Variants in EDNRB observed in about 807,000 individuals in gnomAD.
EDNRB encodes endothelin receptor type B.
A neutral mutation model predicts 46.4 loss-of-function variants in EDNRB; 18 were observed. The observed-to-expected ratio is 0.39, with a 90% CI of 0.27 to 0.57. EDNRB has a LOEUF of 0.57. Among genes scored for constraint, EDNRB ranks in the 20% least tolerant of loss-of-function variants. The pLI is 0.61. For missense variants in EDNRB, 434 were observed against 537.5 expected (o/e 0.81, Z 1.90); for synonymous variants, 213 against 204.9 (o/e 1.04, Z -0.34).
intron 1 of EDNRB, among the ~76,000 whole-genome samples, chr13:77,933,153 C>A (rs1880450100): frequency 6.6e-6 from 1 of 152,174 alleles, no homozygotes; most frequent in Admixed American, 6.5e-5. Context: ...TTCAAAACAC[C>A]TGTGAATATC....
chr13:77,900,604 G>T lies in EDNRB; in HGVS notation c.1002C>A (p.Leu334=). Residue 334 remains leucine, a synonymous_variant, in exon 5 of 7, where the codon CTC becomes CTA. Coordinates refer to ENST00000646607, the MANE Select transcript of EDNRB (RefSeq NM_001122659.3). The part of the protein sequence containing the change: ...TVFCLVLVFA[L]CWLPLHLSRI... Reference sequence around the variant, plus strand: ...TGCTGAGGTGAAGGGGAAGCCAGCAGAGGGCAAAGACAAGGACCAGGCAAA... The same window carrying T: ...TGCTGAGGTGAAGGGGAAGCCAGCATAGGGCAAAGACAAGGACCAGGCAAA... 6.2e-7 allele frequency: 1 copy of T among 1,612,644 alleles called. No individual in the cohort carries two copies. Among genetic ancestry groups the T allele is most frequent in the Non-Finnish European group, 8.5e-7 (1 of 1,179,138 alleles).
intron 1 of EDNRB, among the ~76,000 whole-genome samples, chr13:77,942,182 GA>G (rs1052708022): frequency 7.3e-5 from 11 of 151,168 alleles, no homozygotes; most frequent in Non-Finnish European, 1.0e-4. Flanking sequence ...CCTTGTCTGG[GA>G]AAAAAAAATT....
chr13:77,929,912 T>C (rs4884074), intron 1 of EDNRB, among the ~76,000 whole-genome samples: 136,816 of 152,246 alleles, frequency 0.9, 61,554 homozygotes, highest in East Asian at 0.98. Flanking sequence ...AATACAGTGA[T>C]TGTCTAGGAA....
rs562396473 is a variant in EDNRB, at chr13:77,897,945, T to A, written c.*255A>T. Reference sequence around the variant, plus strand: ...ATCCTGGAAGTTGTTAAGAGCTATGTTGAAGTGCTAACTGTAAAAAATTAA... The same window carrying A: ...ATCCTGGAAGTTGTTAAGAGCTATGATGAAGTGCTAACTGTAAAAAATTAA... On this transcript the variant is annotated 3_prime_UTR_variant, in exon 7 of 7. Transcript: ENST00000646607. 1.6e-6 allele frequency: 2 copies of A among 1,251,836 alleles called. No homozygotes were observed. Among genetic ancestry groups the A allele is most frequent in the South Asian group, 3.4e-5 (2 of 58,960 alleles). The allele number at this position is 1,251,836 out of a possible 1,614,324, so 77.5% of individuals were successfully genotyped here.
chr13:77,900,973 T>C, intron 4 of EDNRB, 85 bp downstream of exon 4: 1 of 1,508,284 alleles, frequency 6.6e-7, no homozygotes, highest in Non-Finnish European at 9.1e-7. Context: ...TATAATAATG[T>C]TAGTTTATCA....
At chr13:77,964,686 G>C (rs1013837635) in intron 1 of EDNRB, among the ~76,000 whole-genome samples, 5 of 152,128 alleles carry the variant, frequency 3.3e-5, no homozygotes, top group Non-Finnish European at 7.3e-5. Context: ...TAAATGAAGA[G>C]TTAATGGGTG....
chr13:77,924,404 G>C (rs1408147184), upstream of EDNRB, among the ~76,000 whole-genome samples: 1 of 152,178 alleles, frequency 6.6e-6, no homozygotes, highest in Non-Finnish European at 1.5e-5. Context: ...GAGGGCAGCA[G>C]ATAATGCAAA....
At position 77,918,347 on chromosome 13, in the gene EDNRB, C is replaced by A. The variant is rs2228271; in HGVS notation, c.227G>T (p.Arg76Met). The change falls in exon 1 of 7, where the codon AGG (arginine) becomes ATG (methionine). Residue 76 changes from arginine to methionine, a missense_variant. Transcript: ENST00000646607. The surrounding 1 kb of genome is among the most constrained non-coding windows in gnomAD (Gnocchi z 4.5). ...GGTGCGTGGCGGAGATCCTGCCGTC[C>A]TGTCTCCTTTAGGCACCTCCGCAGG... is the stretch of plus-strand genomic sequence containing the variant. The part of the protein sequence containing the change: ...LAPAEVPKGD[R>M]TAGSPPRTIS... 159 of 1,613,646 alleles carry A rather than the reference C, an allele frequency of 9.9e-5. No individual in the cohort carries two copies. In the African/African-American group the frequency reaches 1.8e-3, roughly 19 times the overall value.
chr13:77,942,982 A>G (rs1048318543), intron 1 of EDNRB, among the ~76,000 whole-genome samples: 1 of 152,182 alleles, frequency 6.6e-6, no homozygotes, highest in African/African-American at 2.4e-5. Context: ...TTACTAGAAT[A>G]AAATTTCTCT....
chr13:77,919,418 A>T, upstream of EDNRB: 1 of 1,612,578 alleles, frequency 6.2e-7, no homozygotes, highest in Non-Finnish European at 8.5e-7. Flanking sequence ...GACAAACCAG[A>T]TGCAGAGCGA....
chr13:77,958,604 G>A (rs955783265), intron 1 of EDNRB, among the ~76,000 whole-genome samples: 2 of 152,108 alleles, frequency 1.3e-5, no homozygotes, highest in Non-Finnish European at 2.9e-5. Flanking sequence ...TCGATCTCCT[G>A]ACCTTGGAAC....
chr13:77,945,779 T>C (rs146957489), intron 1 of EDNRB, among the ~76,000 whole-genome samples: 23 of 149,220 alleles, frequency 1.5e-4, no homozygotes, highest in Non-Finnish European at 3.2e-4. Flanking sequence ...AACAGATTAA[T>C]ATAAAACCTC....
At chr13:77,917,640 A>G (rs1201612351) in intron 1 of EDNRB, among the ~76,000 whole-genome samples, 1 of 152,186 alleles carries the variant, frequency 6.6e-6, no homozygotes, top group East Asian at 1.9e-4. Flanking sequence ...GATGTACCCC[A>G]TTAGGTGCAC....
chr13:77,945,363 G>A (rs1880874211), intron 1 of EDNRB, among the ~76,000 whole-genome samples: 1 of 152,188 alleles, frequency 6.6e-6, no homozygotes, highest in South Asian at 2.1e-4. Context: ...CCAAGACAGT[G>A]ATGTGGACTT....
chr13:77,895,625 G>A lies in EDNRB; in HGVS notation c.*2575C>T, dbSNP rs888296845. 1 of 151,956 alleles carries A rather than the reference G, an allele frequency of 6.6e-6. No homozygotes were observed. The highest frequency in any genetic ancestry group is 1.5e-5 in the Non-Finnish European group (1 of 67,958). 9.4% of individuals were successfully genotyped at this position (151,956 alleles called of 1,614,324 possible). A position where few individuals can be genotyped will look rare whatever the true frequency, so the allele number is the denominator to read the frequency against. On this transcript the variant is annotated 3_prime_UTR_variant, in exon 7 of 7. Transcript: ENST00000646607. Reference sequence around the variant, plus strand: ...TATTTAATGAATTAGTGTCTGTACAGTGAAAAATAAGGTAGTTGTTAAAAA... The same window carrying A: ...TATTTAATGAATTAGTGTCTGTACAATGAAAAATAAGGTAGTTGTTAAAAA...
At chr13:77,960,677 C>T (rs533316910) in intron 1 of EDNRB, among the ~76,000 whole-genome samples, 10 of 152,220 alleles carry the variant, frequency 6.6e-5, no homozygotes, top group South Asian at 2.1e-4. Flanking sequence ...GGATCAAATT[C>T]GCACATAACA....
intron 1 of EDNRB, among the ~76,000 whole-genome samples, chr13:77,957,028 C>T (rs1678564439): frequency 6.6e-6 from 1 of 152,194 alleles, no homozygotes; most frequent in African/African-American, 2.4e-5. Flanking sequence ...CATTATTCTA[C>T]CTACCACAGT....
At chr13:77,947,142 A>G (rs777946296) in intron 1 of EDNRB, among the ~76,000 whole-genome samples, 3 of 152,250 alleles carry the variant, frequency 2.0e-5, no homozygotes, top group Non-Finnish European at 4.4e-5. Flanking sequence ...TGAGCCCTTT[A>G]TTATAATGAC....
chr13:77,963,316 G>A (rs1217960621), intron 1 of EDNRB, among the ~76,000 whole-genome samples: 2 of 152,074 alleles, frequency 1.3e-5, no homozygotes, highest in Non-Finnish European at 2.9e-5. Context: ...TGCCAAGTCA[G>A]TCCTAAGCCA....
Sources: gnomAD v4.1 joint callset for allele counts (sites outside exome capture counted in the v4.1 genomes callset) on GRCh38, gnomAD v4.1.1 for gene constraint, Gnocchi (gnomAD v3.1) non-coding constraint, MANE v1.5 for transcripts, NCBI Gene and HGNC (gene_info 2026-07-23, HGNC 2026-07-21) for gene names.